The following ZNF611 variants were observed in gnomAD, a reference collection of about 807,000 sequenced individuals.
ZNF611 encodes zinc finger protein 611.
ZNF611 carries 6 observed loss-of-function variants against 8.9 expected under a neutral mutation model. The observed-to-expected ratio is 0.68, with a 90% CI of 0.37 to 1.34. ZNF611 has a LOEUF of 1.34. Among genes scored for constraint, ZNF611 ranks in the 40% most tolerant of loss-of-function variants. The pLI is 0.02. For missense variants in ZNF611, 874 were observed against 841.3 expected (o/e 1.04, Z -0.48); for synonymous variants, 262 against 279.7 (o/e 0.94, Z 0.63).
In ZNF611 at chr19:52,705,299, T is replaced by G. The variant is rs777851267; in HGVS notation, c.1756A>C (p.Arg586=). Residue 586 remains arginine (R), a synonymous_variant, in exon 6 of 6, where the codon AGA becomes CGA. Coordinates refer to ENST00000652185, the MANE Select transcript of ZNF611 (RefSeq NM_001161499.2). ...TAAGGTTTCTCACCACTATGAACTC[T>G]ATGATGGCATACAAGGTATGACCTG... ...SHRSYLVCHH[R]VHSGEKPYKC... is the part of the protein sequence containing the mutation. The G allele has an allele frequency of 1.2e-6, 2 of 1,614,020 alleles. No individual in the cohort carries two copies. Among genetic ancestry groups the G allele is most frequent in the Admixed American group, 1.7e-5 (1 of 59,998 alleles).
In ZNF611 at chr19:52,703,139, T is replaced by C. The variant is rs2062215404; in HGVS notation, c.*1798A>G. ...ATTATGTATTAAGAAATACAACTTTTATAACTTAGATTTATCTCAAACTCA... is the reference window on the plus strand; with the variant it reads ...ATTATGTATTAAGAAATACAACTTTCATAACTTAGATTTATCTCAAACTCA... On this transcript the variant is annotated 3_prime_UTR_variant, in exon 6 of 6. Transcript: ENST00000652185. 1 of 151,976 alleles carries C rather than the reference T, an allele frequency of 6.6e-6. No homozygotes were observed. The highest frequency in any genetic ancestry group is 2.1e-4 in the South Asian group (1 of 4,832). The allele number at this position is 151,976 out of a possible 1,614,324, so 9.4% of individuals were successfully genotyped here.
At chr19:52,706,899 A>G (rs772759990) in intron 5 of ZNF611, 35 bp from the exon 6 acceptor site, 1 of 1,584,746 alleles carries the variant, frequency 6.3e-7, no homozygotes, top group South Asian at 1.2e-5. Context: ...TTTCCAATTA[A>G]GTACAGATGG....
chr19:52,733,312 TTG>T (rs1491072039), intron 1 of ZNF611, among the ~76,000 whole-genome samples: 1 of 152,134 alleles, frequency 6.6e-6, no homozygotes, highest in Non-Finnish European at 1.5e-5. Flanking sequence ...CCCTTTTTTT[TTG>T]TTTGGAGACA....
intron 4 of ZNF611, 68 bp downstream of exon 4, chr19:52,715,764 G>A: frequency 6.3e-7 from 1 of 1,594,830 alleles, no homozygotes. Flanking sequence ...GAAAAGACTG[G>A]CTGCTACAAT....
chr19:52,717,890 G>A (rs2062328302), intron 3 of ZNF611, among the ~76,000 whole-genome samples: 2 of 152,090 alleles, frequency 1.3e-5, no homozygotes, highest in South Asian at 4.1e-4. Context: ...TATATATCAC[G>A]TAGTAGAAAA....
chr19:52,721,770 T>C (rs1043334817), intron 3 of ZNF611, among the ~76,000 whole-genome samples: 5 of 151,882 alleles, frequency 3.3e-5, no homozygotes, highest in African/African-American at 4.8e-5. Context: ...GGAGAGCTTT[T>C]TTTTGTTTTT....
At chr19:52,729,256 C>G (rs1007739618) in intron 2 of ZNF611, among the ~76,000 whole-genome samples, 1 of 152,040 alleles carries the variant, frequency 6.6e-6, no homozygotes, top group African/African-American at 2.4e-5. Flanking sequence ...TAATCCACAA[C>G]AAGCTCATGT....
intron 5 of ZNF611, chr19:52,708,975 C>T (rs2062262481): frequency 6.6e-6 from 1 of 152,130 alleles, no homozygotes; most frequent in Admixed American, 6.5e-5. Context: ...ATCTAGTTCA[C>T]TATGCATAAA....
At position 52,704,505 on chromosome 19, in the gene ZNF611, A is replaced by G. The variant is rs1214111319; in HGVS notation, c.*432T>C. On this transcript the variant is annotated 3_prime_UTR_variant, in exon 6 of 6. Transcript: ENST00000652185. ...ATGAAGCTTGACTGAAGACCTTGGC[A>G]CAGTCATGACATTTGTAAGGTTTCT... 5.0e-6 allele frequency: 5 copies of G among 1,009,220 alleles called. No homozygotes were observed. In the East Asian group the frequency reaches 1.2e-4, roughly 25 times the overall value. The allele number at this position is 1,009,220 out of a possible 1,614,324, so 62.5% of individuals were successfully genotyped here.
intron 2 of ZNF611, among the ~76,000 whole-genome samples, chr19:52,729,450 G>A (rs1461510155): frequency 1.3e-4 from 16 of 123,128 alleles, no homozygotes; most frequent in Non-Finnish European, 2.2e-4. Flanking sequence ...CCAAGATTGC[G>A]CCACTGCATT....
At position 52,731,761 on chromosome 19, in the gene ZNF611, G is replaced by A. The variant is rs374262018; in HGVS notation, c.-221-1756C>T. 3.0e-4 allele frequency among the ~76,000 whole-genome samples: 46 copies of A among 151,974 alleles called. 1 individual carries two copies. The East Asian group carries it at 3.6e-3, about 12-fold the overall frequency. ...CGAGGCAGGTGGATCACCTCAGGTCGGGAGTTAGAGACCAGCCTGGATCAA... is the reference window on the plus strand; with the variant it reads ...CGAGGCAGGTGGATCACCTCAGGTCAGGAGTTAGAGACCAGCCTGGATCAA... On this transcript the variant is annotated intron_variant, in intron 1 of 5. Transcript: ENST00000652185.
chr19:52,718,922 C>A (rs1277992499), intron 3 of ZNF611, among the ~76,000 whole-genome samples: 1 of 152,194 alleles, frequency 6.6e-6, no homozygotes, highest in Non-Finnish European at 1.5e-5. Flanking sequence ...CCTGTAATCC[C>A]AGCACTTTGG....
intron 1 of ZNF611, among the ~76,000 whole-genome samples, chr19:52,734,187 G>GTT (rs532673029): frequency 2.4e-5 from 2 of 84,652 alleles, no homozygotes; most frequent in Non-Finnish European, 2.4e-5. Context: ...GCTTTCTTAG[G>GTT]TTTTTTTTTT....
At chr19:52,723,698 T>A (rs1251274958) in intron 3 of ZNF611, 1 of 152,134 alleles carries the variant, frequency 6.6e-6, no homozygotes, top group African/African-American at 2.4e-5. Flanking sequence ...ATACGGAGGA[T>A]CCGCACCAGC....
Position 52,734,135 on chromosome 19 carries a change from T to A in ZNF611, c.-222+866A>T, listed in dbSNP as rs200312046. On this transcript the variant is annotated intron_variant, in intron 1 of 5. Coordinates refer to ENST00000652185, the MANE Select transcript of ZNF611 (RefSeq NM_001161499.2). The stretch of plus-strand genomic sequence containing the variant: ...GATCCTTCATCTCTCTGTACATCTA[T>A]CTAGCCTTTCTCTACATTTCTCCGG... Among the ~76,000 whole-genome samples the A allele has an allele frequency of 1.4e-3, 193 of 135,328 alleles. 1 individual carries two copies. Among genetic ancestry groups the A allele is most frequent in the African/African-American group, 5.1e-3 (181 of 35,388 alleles). 88.8% of individuals were successfully genotyped at this position (135,328 alleles called of 152,430 possible).
At chr19:52,711,852 T>C (rs1175252086) in intron 5 of ZNF611, among the ~76,000 whole-genome samples, 1 of 151,986 alleles carries the variant, frequency 6.6e-6, no homozygotes, top group Non-Finnish European at 1.5e-5. Context: ...TCCAGATCAA[T>C]GTATCATGTG....
In ZNF611 at chr19:52,705,352, C is replaced by G. The variant is rs368216846; in HGVS notation, c.1703G>C (p.Cys568Ser). The G allele has an allele frequency of 1.9e-5, 31 of 1,614,036 alleles. No homozygotes were observed. Among genetic ancestry groups the G allele is most frequent in the Non-Finnish European group, 2.4e-5 (28 of 1,180,040 alleles). ...RIHSGEKPYKCNECSKTFSHR... is the reference protein window; with the variant it reads ...RIHSGEKPYKSNECSKTFSHR... Reference sequence around the variant, plus strand: ...ACTGAAGGTCTTGCTGCACTCATTACACTTGTAAGGTTTCTCTCCACTATG... The same window carrying G: ...ACTGAAGGTCTTGCTGCACTCATTAGACTTGTAAGGTTTCTCTCCACTATG... The change falls in exon 6 of 6, where the codon TGT (cysteine) becomes TCT (serine). Residue 568 changes from cysteine to serine, a missense_variant. Coordinates refer to ENST00000652185, the MANE Select transcript of ZNF611 (RefSeq NM_001161499.2).
intron 1 of ZNF611, among the ~76,000 whole-genome samples, chr19:52,730,311 G>T (rs192284591): frequency 8.4e-4 from 121 of 144,302 alleles, no homozygotes; most frequent in African/African-American, 2.8e-3. Context: ...AGAATGGCAT[G>T]AACCCGGGAG....
chr19:52,713,865 T>C (rs1202050176), intron 5 of ZNF611, 150 bp downstream of exon 5: 9 of 1,468,132 alleles, frequency 6.1e-6, no homozygotes, highest in Non-Finnish European at 8.2e-6. Flanking sequence ...CACTCCAGCC[T>C]CGGCAATAGG....
Sources: allele counts gnomAD v4.1 joint callset (sites outside exome capture counted in the v4.1 genomes callset), GRCh38; gene constraint gnomAD v4.1.1; transcripts MANE v1.5; gene names NCBI Gene and HGNC (gene_info 2026-07-23, HGNC 2026-07-21).